Variants in TMEM102 observed in about 807,000 individuals in gnomAD.
The protein encoded by TMEM102 is transmembrane protein 102.
In TMEM102, 28 loss-of-function variants were observed where a neutral mutation model predicts 26.8. The observed-to-expected ratio is 1.05, with a 90% confidence interval of 0.77 to 1.43. The LOEUF (loss-of-function observed/expected upper bound fraction) is 1.43, where lower values mean the gene tolerates loss of function less well. Among genes scored for constraint, TMEM102 ranks in the 40% most tolerant of loss-of-function variants. The pLI is 0.00. For missense variants in TMEM102, 677 were observed against 705.6 expected (o/e 0.96, Z 0.46); for synonymous variants, 306 against 332.1 (o/e 0.92, Z 0.86).
In TMEM102 at chr17:7,437,666, C is replaced by T. The variant is rs773727198; in HGVS notation, c.*160C>T. 97 of 495,528 alleles carry T rather than the reference C, an allele frequency of 2.0e-4. No individual in the cohort carries two copies. The Middle Eastern group carries it at 4.8e-3, about 25-fold the overall frequency. 30.7% of individuals were successfully genotyped at this position (495,528 alleles called of 1,614,324 possible). ...TCCTCCTCTACGCCCACCCGCCTGC[C>T]CCCGCACAAGTTGCCCCATTCCAGC... On this transcript the variant is annotated 3_prime_UTR_variant, in exon 3 of 3. Coordinates refer to ENST00000323206, the MANE Select transcript of TMEM102 (RefSeq NM_178518.3). The surrounding 1 kb of genome is among the most constrained non-coding windows in gnomAD (Gnocchi z 4.2).
Position 7,437,481 on chromosome 17 carries a change from C to A in TMEM102, c.1502C>A (p.Ala501Glu). 7.2e-7 allele frequency: 1 copy of A among 1,388,124 alleles called. No homozygotes were observed. The highest frequency in any genetic ancestry group is 9.3e-7 in the Non-Finnish European group (1 of 1,071,364). 86.0% of individuals were successfully genotyped at this position (1,388,124 alleles called of 1,614,324 possible). A position where few individuals can be genotyped will look rare whatever the true frequency, so the allele number is the denominator to read the frequency against. The part of the protein sequence containing the change: ...AKVARKGGGL[A>E]GVGGGAH The stretch of plus-strand genomic sequence containing the variant: ...GTGGCCCGCAAGGGGGGCGGTTTGG[C>A]GGGCGTGGGGGGCGGGGCCCATTAA... The change falls in exon 3 of 3, where the codon GCG (alanine) becomes GAG (glutamate). Residue 501 changes from alanine to glutamate, a missense_variant. Coordinates refer to ENST00000323206, the MANE Select transcript of TMEM102 (RefSeq NM_178518.3). This position sits in a 1 kb window ranked among gnomAD's most constrained non-coding sequence, Gnocchi z 4.2.
chr17:7,437,499 C>T lies in TMEM102; in HGVS notation c.1520C>T (p.Ala507Val), dbSNP rs539956627. 4.3e-5 allele frequency: 59 copies of T among 1,385,378 alleles called. 1 individual carries two copies. In the East Asian group the frequency reaches 6.6e-4, roughly 15 times the overall value. 85.8% of individuals were successfully genotyped at this position (1,385,378 alleles called of 1,614,324 possible). A position where few individuals can be genotyped will look rare whatever the true frequency, so the allele number is the denominator to read the frequency against. ...GGGLAGVGGGAH is the reference protein window; with the variant it reads ...GGGLAGVGGGVH Reference sequence around the variant, plus strand: ...GGTTTGGCGGGCGTGGGGGGCGGGGCCCATTAAAGACGCTGTTCCTACCAG... The same window carrying T: ...GGTTTGGCGGGCGTGGGGGGCGGGGTCCATTAAAGACGCTGTTCCTACCAG... The change falls in exon 3 of 3, where the codon GCC (alanine) becomes GTC (valine). Residue 507 changes from alanine to valine, a missense_variant. Physicochemically the swap from Ala to Val is moderately conservative, Grantham distance 64. Coordinates refer to ENST00000323206, the MANE Select transcript of TMEM102 (RefSeq NM_178518.3). This position sits in a 1 kb window ranked among gnomAD's most constrained non-coding sequence, Gnocchi z 4.2.
In TMEM102 at chr17:7,436,472, C is replaced by G; in HGVS notation, c.493C>G (p.Pro165Ala). 2 of 1,613,726 alleles carry G rather than the reference C, an allele frequency of 1.2e-6. No individual in the cohort carries two copies. Among genetic ancestry groups the G allele is most frequent in the Non-Finnish European group, 8.5e-7 (1 of 1,180,038 alleles). Residue 165 changes from proline (P) to alanine (A), a missense_variant, in exon 3 of 3, where the codon CCC becomes GCC. Pro to Ala is a conservative substitution (Grantham distance 27). Coordinates refer to ENST00000323206, the MANE Select transcript of TMEM102 (RefSeq NM_178518.3). Reference sequence around the variant, plus strand: ...GGAGATGTGGCAGGATTGCTTAGGACCCCCAGTCCCAGGAGCACGTGATTC... The same window carrying G: ...GGAGATGTGGCAGGATTGCTTAGGAGCCCCAGTCCCAGGAGCACGTGATTC... ...IREMWQDCLG[P>A]PVPGARDSIH...
rs971193245 is a variant in TMEM102 at position 7,437,285 on chromosome 17, G to C, written c.1306G>C (p.Gly436Arg). ...AGAAAATGCGGGCGCCTGCTGCCTC[G>C]GGCTGCTAGACGAGCTCGGCCGAGT... Reference protein sequence around the residue: ...RPENAGACCLGLLDELGRVLE... With the variant: ...RPENAGACCLRLLDELGRVLE... Residue 436 changes from glycine (G) to arginine (R), a missense_variant, in exon 3 of 3, where the codon GGG (glycine) becomes CGG (arginine). Physicochemically the swap from Gly to Arg is moderately radical, Grantham distance 125 (BLOSUM62 -2). Coordinates refer to ENST00000323206, the MANE Select transcript of TMEM102 (RefSeq NM_178518.3). The surrounding 1 kb of genome is among the most constrained non-coding windows in gnomAD (Gnocchi z 4.2). The C allele has an allele frequency of 6.5e-7, 1 of 1,545,572 alleles. No homozygotes were observed. Among genetic ancestry groups the C allele is most frequent in the Admixed American group, 2.1e-5 (1 of 48,396 alleles).
Position 7,436,944 on chromosome 17 carries a change from T to G in TMEM102, c.965T>G (p.Val322Gly). Residue 322 changes from valine (V) to glycine (G), a missense_variant, in exon 3 of 3, where the codon GTG (valine) becomes GGG (glycine). Transcript: ENST00000323206. The stretch of plus-strand genomic sequence containing the variant: ...CTGCTCTTCGACCTGATCCCAGTGG[T>G]GTCCGTGGCGGGCTGGCCCGAGGGG... ...RLLLFDLIPV[V>G]SVAGWPEGAR... 6.2e-7 allele frequency: 1 copy of G among 1,605,078 alleles called. No individual in the cohort carries two copies. The highest frequency in any genetic ancestry group is 8.5e-7 in the Non-Finnish European group (1 of 1,179,430).
Position 7,436,880 on chromosome 17 carries a change from A to G in TMEM102, c.901A>G (p.Thr301Ala). The G allele has an allele frequency of 6.2e-7, 1 of 1,611,300 alleles. No homozygotes were observed. The highest frequency in any genetic ancestry group is 2.2e-5 in the East Asian group (1 of 44,874). ...CGCAGCTCGCCACGCGGGTTTCACC[A>G]CCGTCCTCCTGGCTACCCCTGAGCC... ...VHAARHAGFTTVLLATPEPPR... is the reference protein window; with the variant it reads ...VHAARHAGFTAVLLATPEPPR... The change falls in exon 3 of 3, where the codon ACC becomes GCC. Residue 301 changes from threonine (T) to alanine (A), a missense_variant. Coordinates refer to ENST00000323206, the MANE Select transcript of TMEM102 (RefSeq NM_178518.3).
chr17:7,437,342 C>A lies in TMEM102; in HGVS notation c.1363C>A (p.Leu455Met), dbSNP rs759967458. ...GGCCGGGACGTTGCCTCACTATTTT[C>A]TGAACGGCCGACAGCTCCGTACGGG... ...LEAGTLPHYF[L>M]NGRQLRTGDD... The change falls in exon 3 of 3, where the codon CTG becomes ATG. Residue 455 changes from leucine (L) to methionine (M), a missense_variant. Leu to Met is a conservative substitution (Grantham distance 15). Coordinates refer to ENST00000323206, the MANE Select transcript of TMEM102 (RefSeq NM_178518.3). The surrounding 1 kb of genome is among the most constrained non-coding windows in gnomAD (Gnocchi z 4.2). The A allele has an allele frequency of 1.3e-6, 2 of 1,573,586 alleles. No individual in the cohort carries two copies. Among genetic ancestry groups the A allele is most frequent in the Admixed American group, 1.8e-5 (1 of 55,242 alleles).
chr17:7,436,504 C>T lies in TMEM102; in HGVS notation c.525C>T (p.His175=). The change falls in exon 3 of 3, where the codon CAC becomes CAT. Residue 175 remains histidine, a synonymous_variant. Coordinates refer to ENST00000323206, the MANE Select transcript of TMEM102 (RefSeq NM_178518.3). ...TCCCAGGAGCACGTGATTCGATCCA[C>T]CGAACGGAGAGCGAAGAAAGTTCCA... ...PPVPGARDSI[H]RTESEESSKD... The T allele has an allele frequency of 6.2e-7, 1 of 1,613,888 alleles. No individual in the cohort carries two copies. The highest frequency in any genetic ancestry group is 8.5e-7 in the Non-Finnish European group (1 of 1,180,034).
rs1186789374 is a variant in TMEM102, at chr17:7,436,516, C to T, written c.537C>T (p.Ser179=). The part of the protein sequence containing the change: ...GARDSIHRTE[S]EESSKDWQSS... ...GTGATTCGATCCACCGAACGGAGAGCGAAGAAAGTTCCAAGGACTGGCAAA... is the reference window on the plus strand; with the variant it reads ...GTGATTCGATCCACCGAACGGAGAGTGAAGAAAGTTCCAAGGACTGGCAAA... The change falls in exon 3 of 3, where the codon AGC becomes AGT. Residue 179 remains serine, a synonymous_variant. Coordinates refer to ENST00000323206, the MANE Select transcript of TMEM102 (RefSeq NM_178518.3). The T allele has an allele frequency of 2.5e-6, 4 of 1,613,748 alleles. No homozygotes were observed. Among genetic ancestry groups the T allele is most frequent in the Non-Finnish European group, 3.4e-6 (4 of 1,180,036 alleles).
At position 7,437,500 on chromosome 17, in the gene TMEM102, C is replaced by G. The variant is rs1296614258; in HGVS notation, c.1521C>G (p.Ala507=). Residue 507 remains alanine, a synonymous_variant, in exon 3 of 3, where the codon GCC becomes GCG. Coordinates refer to ENST00000323206, the MANE Select transcript of TMEM102 (RefSeq NM_178518.3). This position sits in a 1 kb window ranked among gnomAD's most constrained non-coding sequence, Gnocchi z 4.2. ...GTTTGGCGGGCGTGGGGGGCGGGGCCCATTAAAGACGCTGTTCCTACCAGT... is the reference window on the plus strand; with the variant it reads ...GTTTGGCGGGCGTGGGGGGCGGGGCGCATTAAAGACGCTGTTCCTACCAGT... ...GGGLAGVGGG[A]H 1 of 1,382,892 alleles carries G rather than the reference C, an allele frequency of 7.2e-7. No individual in the cohort carries two copies. The highest frequency in any genetic ancestry group is 9.3e-7 in the Non-Finnish European group (1 of 1,071,198). 85.7% of individuals were successfully genotyped at this position (1,382,892 alleles called of 1,614,324 possible).
chr17:7,435,671 A>C lies in TMEM102; in HGVS notation c.-45A>C. ...AGTTCATGGGGGCGGGGACCTGCCT[A>C]TGAGAAAAGGGCCAGGATAGAAGAG... On this transcript the variant is annotated 5_prime_UTR_variant, in exon 1 of 3. An upstream start codon of the reference 5' UTR is lost. Transcript: ENST00000323206. The C allele has an allele frequency of 1.9e-6, 1 of 516,970 alleles. No individual in the cohort carries two copies. Among genetic ancestry groups the C allele is most frequent in the Non-Finnish European group, 3.4e-6 (1 of 292,854 alleles). The allele number at this position is 516,970 out of a possible 1,614,324, so 32.0% of individuals were successfully genotyped here.
Position 7,437,143 on chromosome 17 carries a change from G to T in TMEM102, c.1164G>T (p.Ala388=), listed in dbSNP as rs539819199. The stretch of plus-strand genomic sequence containing the variant: ...CGCCGCTGCTGCAGGCGCACGCGGC[G>T]GCCCAGGCGCTACTGCGCCCGCTGG... ...IPAPLLQAHA[A]AQALLRPLVA... Residue 388 remains alanine (A), a synonymous_variant, in exon 3 of 3, where the codon GCG becomes GCT. Transcript: ENST00000323206. This position sits in a 1 kb window ranked among gnomAD's most constrained non-coding sequence, Gnocchi z 4.2. The T allele has an allele frequency of 1.9e-5, 28 of 1,458,038 alleles. No individual in the cohort carries two copies. In the South Asian group the frequency reaches 3.8e-4, roughly 20 times the overall value. The allele number at this position is 1,458,038 out of a possible 1,614,324, so 90.3% of individuals were successfully genotyped here.
In TMEM102 at chr17:7,436,952, G is replaced by A. The variant is rs1365774745; in HGVS notation, c.973G>A (p.Ala325Thr). 1 of 1,603,618 alleles carries A rather than the reference G, an allele frequency of 6.2e-7. No homozygotes were observed. The highest frequency in any genetic ancestry group is 1.1e-5 in the South Asian group (1 of 90,974). Residue 325 changes from alanine (A) to threonine (T), a missense_variant, in exon 3 of 3, where the codon GCG becomes ACG. Transcript: ENST00000323206. The stretch of plus-strand genomic sequence containing the variant: ...CGACCTGATCCCAGTGGTGTCCGTG[G>A]CGGGCTGGCCCGAGGGGGCTCGGAG... ...LFDLIPVVSVAGWPEGARSHS... is the reference protein window; with the variant it reads ...LFDLIPVVSVTGWPEGARSHS...
chr17:7,435,855 C>G lies in TMEM102; in HGVS notation c.-17C>G, dbSNP rs1489210154. The stretch of plus-strand genomic sequence containing the variant: ...CCTCCCTTCCGTGTTTTCCGCAGCC[C>G]AAAGCGATAGAACCGCATGGCTTCC... On this transcript the variant is annotated splice_region_variant and 5_prime_UTR_variant, in exon 2 of 3. Transcript: ENST00000323206. 6.4e-7 allele frequency: 1 copy of G among 1,570,512 alleles called. No individual in the cohort carries two copies. The highest frequency in any genetic ancestry group is 1.1e-5 in the South Asian group (1 of 87,696).
In TMEM102 at chr17:7,436,928, G is replaced by T; in HGVS notation, c.949G>T (p.Asp317Tyr). Residue 317 changes from aspartate (D) to tyrosine (Y), a missense_variant, in exon 3 of 3, where the codon GAC becomes TAC. By Grantham distance (160) the Asp-to-Tyr change is radical. Transcript: ENST00000323206. ...GCCCCCTCGCCGCCTCCTGCTCTTC[G>T]ACCTGATCCCAGTGGTGTCCGTGGC... ...PEPPRRLLLF[D>Y]LIPVVSVAGW... The T allele has an allele frequency of 6.2e-7, 1 of 1,606,400 alleles. No individual in the cohort carries two copies. Among genetic ancestry groups the T allele is most frequent in the Non-Finnish European group, 8.5e-7 (1 of 1,179,592 alleles).
In TMEM102 at chr17:7,436,991, G is replaced by A. The variant is rs781680285; in HGVS notation, c.1012G>A (p.Gly338Ser). ...GGGGGCTCGGAGCCACTCGTGGGCCGGTCCGCTGGCCTCTGAGTCGGCTTC... is the reference window on the plus strand; with the variant it reads ...GGGGGCTCGGAGCCACTCGTGGGCCAGTCCGCTGGCCTCTGAGTCGGCTTC... ...PEGARSHSWA[G>S]PLASESASFY... The change falls in exon 3 of 3, where the codon GGT (glycine) becomes AGT (serine). Residue 338 changes from glycine (G) to serine (S), a missense_variant. Transcript: ENST00000323206. 10 of 1,599,554 alleles carry A rather than the reference G, an allele frequency of 6.3e-6. No individual in the cohort carries two copies. Among genetic ancestry groups the A allele is most frequent in the Non-Finnish European group, 7.6e-6 (9 of 1,178,710 alleles).
rs1907999036 is a variant in TMEM102, at chr17:7,436,027, C to A, written c.156C>A (p.Asp52Glu). 1.2e-6 allele frequency: 2 copies of A among 1,613,568 alleles called. No individual in the cohort carries two copies. The highest frequency in any genetic ancestry group is 1.3e-5 in the African/African-American group (1 of 75,074). ...TGGGTGTGCAGGAGAGCTGGAGTGA[C>A]GGGCCCAAGCCGGGAGCCGATCTCC... ...QELGVQESWSDGPKPGADLLR... is the reference protein window; with the variant it reads ...QELGVQESWSEGPKPGADLLR... The change falls in exon 2 of 3, where the codon GAC becomes GAA. Residue 52 changes from aspartate to glutamate, a missense_variant. By Grantham distance (45) the Asp-to-Glu change is conservative (BLOSUM62 2). Transcript: ENST00000323206.
Position 7,436,283 on chromosome 17 carries a change from G to A in TMEM102, c.304G>A (p.Gly102Arg). The A allele has an allele frequency of 2.5e-6, 4 of 1,613,704 alleles. No individual in the cohort carries two copies. The highest frequency in any genetic ancestry group is 3.4e-6 in the Non-Finnish European group (4 of 1,180,032). Reference protein sequence around the residue: ...GGIREGSLDLGHAPLGPYARG... With the variant: ...GGIREGSLDLRHAPLGPYARG... ...GATTCGCGAGGGCTCCCTGGATCTGGGGCATGCACCCCTGGGTCCCTACGC... is the reference window on the plus strand; with the variant it reads ...GATTCGCGAGGGCTCCCTGGATCTGAGGCATGCACCCCTGGGTCCCTACGC... Residue 102 changes from glycine (G) to arginine (R), a missense_variant, in exon 3 of 3, where the codon GGG becomes AGG. Transcript: ENST00000323206.
At chr17:7,435,765 T>C (rs113729453) in intron 1 of TMEM102, 69 bp downstream of exon 1, 15,719 of 1,001,408 alleles carry the variant, frequency 0.016, 175 homozygotes, top group Non-Finnish European at 0.019. Flanking sequence ...GTAGGTTGTG[T>C]CTGGGGCACT....
Sources: gnomAD v4.1 joint callset for allele counts on GRCh38, gnomAD v4.1.1 for gene constraint, Gnocchi (gnomAD v3.1) non-coding constraint, MANE v1.5 for transcripts, NCBI Gene and HGNC (gene_info 2026-07-23, HGNC 2026-07-21) for gene names.